The following TBC1D1 variants were observed in gnomAD, a reference collection of about 807,000 sequenced individuals.
TBC1D1 encodes TBC1 domain family member 1.
In TBC1D1, 89 loss-of-function variants were observed where a neutral mutation model predicts 125.6. That is an observed-to-expected ratio of 0.71 (90% CI 0.60 to 0.85). The LOEUF (loss-of-function observed/expected upper bound fraction) is 0.85. Among genes scored for constraint, TBC1D1 ranks in the 40% least tolerant of loss-of-function variants. TBC1D1 has a pLI of 0.00. For missense variants in TBC1D1, 1,377 were observed against 1,469.2 expected (o/e 0.94, Z 1.03); for synonymous variants, 565 against 564.1 (o/e 1.00, Z -0.02).
At chr4:38,090,834 AT>A (rs2152539628) in intron 13 of TBC1D1, among the ~76,000 whole-genome samples, 1 of 152,366 alleles carries the variant, frequency 6.6e-6, no homozygotes, top group Admixed American at 6.5e-5. Flanking sequence ...CAAAGGGAAG[AT>A]GTAGCAGATG....
Position 37,954,452 on chromosome 4 carries a change from T to C in TBC1D1, c.417+51940T>C, listed in dbSNP as rs73810061. On this transcript the variant is annotated intron_variant, in intron 2 of 19. Transcript: ENST00000261439. ...CATGAGCATTCCATGGGGCTACAGCTGAGATCAAAGGTCTACGTCTATTGT... is the reference window on the plus strand; with the variant it reads ...CATGAGCATTCCATGGGGCTACAGCCGAGATCAAAGGTCTACGTCTATTGT... Among the ~76,000 whole-genome samples, 544 of 152,158 alleles carry C rather than the reference T, an allele frequency of 3.6e-3. 2 individuals carry two copies. The highest frequency in any genetic ancestry group is 0.012 in the African/African-American group (509 of 41,506).
At chr4:38,091,366 T>A (rs1313280109) in intron 13 of TBC1D1, among the ~76,000 whole-genome samples, 1 of 152,154 alleles carries the variant, frequency 6.6e-6, no homozygotes, top group Non-Finnish European at 1.5e-5. Context: ...AGCAGGTGAG[T>A]GCTGTTTTCT....
chr4:37,964,905 A>G (rs73236857), intron 2 of TBC1D1, among the ~76,000 whole-genome samples: 13,939 of 152,316 alleles, frequency 0.092, 777 homozygotes, highest in Middle Eastern at 0.19. Flanking sequence ...TATTGGCAGG[A>G]AGCTGCCAGA....
intron 2 of TBC1D1, among the ~76,000 whole-genome samples, chr4:37,918,615 T>C (rs1720228284): frequency 6.6e-6 from 1 of 152,092 alleles, no homozygotes; most frequent in South Asian, 2.1e-4. Context: ...GCCTGGCTAA[T>C]TTTTCTATTT....
intron 1 of TBC1D1, among the ~76,000 whole-genome samples, chr4:37,900,407 CTT>C (rs10612576): frequency 0.093 from 13,125 of 140,646 alleles, 1,302 homozygotes; most frequent in African/African-American, 0.25. Flanking sequence ...AAGGAAATAT[CTT>C]TTTTTTTTTT....
chr4:37,899,025 T>C (rs576601043), intron 1 of TBC1D1, among the ~76,000 whole-genome samples: 1 of 152,248 alleles, frequency 6.6e-6, no homozygotes, highest in South Asian at 2.1e-4. Context: ...TCAGATTGTA[T>C]GGGGGAATTA....
intron 12 of TBC1D1, among the ~76,000 whole-genome samples, chr4:38,066,489 G>A (rs1305927302): frequency 3.9e-5 from 6 of 151,974 alleles, no homozygotes; most frequent in South Asian, 2.1e-4. Flanking sequence ...GCATCACCAC[G>A]CCCTGCTAAA....
At chr4:37,918,575 G>T (rs1315221382) in intron 2 of TBC1D1, among the ~76,000 whole-genome samples, 1 of 152,010 alleles carries the variant, frequency 6.6e-6, no homozygotes. Flanking sequence ...AGCCTCCTGA[G>T]TAGCTGGGAT....
At position 38,133,155 on chromosome 4, in the gene TBC1D1, T is replaced by A. The variant is rs1484591200; in HGVS notation, c.3204T>A (p.Leu1068=). Residue 1068 remains leucine, a synonymous_variant, in exon 19 of 20, where the codon CTT becomes CTA. Coordinates refer to ENST00000261439, the MANE Select transcript of TBC1D1 (RefSeq NM_015173.4). ...AGTACCACGTCCTTCAAGAAGAACT[T>A]ATCGATTCCTCTCCTCTCAGTGACA... The A allele has an allele frequency of 1.2e-6, 2 of 1,614,080 alleles. No homozygotes were observed. The highest frequency in any genetic ancestry group is 4.5e-5 in the East Asian group (2 of 44,900).
At chr4:38,024,580 G>A (rs1241283828) in intron 6 of TBC1D1, among the ~76,000 whole-genome samples, 1 of 152,202 alleles carries the variant, frequency 6.6e-6, no homozygotes, top group African/African-American at 2.4e-5. Context: ...CTTAAATAGT[G>A]CAATTAGAAG....
rs778937613 is a variant in TBC1D1, at chr4:38,138,962, C to A, written c.*1627C>A. ...AGAGGATAGCGGTTTCCATCATAAACCAAGATGATGAGTTCAGCCTTTATC... is the reference window on the plus strand; with the variant it reads ...AGAGGATAGCGGTTTCCATCATAAAACAAGATGATGAGTTCAGCCTTTATC... On this transcript the variant is annotated 3_prime_UTR_variant, in exon 20 of 20. Coordinates refer to ENST00000261439, the MANE Select transcript of TBC1D1 (RefSeq NM_015173.4). 6.6e-6 allele frequency: 1 copy of A among 152,618 alleles called. No individual in the cohort carries two copies. The highest frequency in any genetic ancestry group is 2.4e-5 in the African/African-American group (1 of 41,430). 9.5% of individuals were successfully genotyped at this position (152,618 alleles called of 1,614,324 possible).
chr4:38,063,516 G>A (rs1170863849), intron 12 of TBC1D1, among the ~76,000 whole-genome samples: 1 of 152,184 alleles, frequency 6.6e-6, no homozygotes. Context: ...GCTTTATTGA[G>A]ATATAATTCA....
intron 2 of TBC1D1, among the ~76,000 whole-genome samples, chr4:37,985,200 G>C (rs901656184): frequency 6.6e-6 from 1 of 152,152 alleles, no homozygotes; most frequent in African/African-American, 2.4e-5. Context: ...TGATCCGCCT[G>C]CCTCAGCCTC....
intron 2 of TBC1D1, among the ~76,000 whole-genome samples, chr4:37,947,401 C>T (rs1024890186): frequency 1.1e-4 from 16 of 152,192 alleles, no homozygotes; most frequent in African/African-American, 3.4e-4. Flanking sequence ...AAGTGATCCA[C>T]CTGCTTCGGT....
At chr4:37,947,564 A>G (rs1394405158) in intron 2 of TBC1D1, among the ~76,000 whole-genome samples, 1 of 152,106 alleles carries the variant, frequency 6.6e-6, no homozygotes, top group Non-Finnish European at 1.5e-5. Flanking sequence ...GGGCTCAAGC[A>G]ATCCTCCTGT....
intron 2 of TBC1D1, among the ~76,000 whole-genome samples, chr4:37,936,583 CAAAA>C (rs1476336334): frequency 2.6e-5 from 4 of 152,096 alleles, no homozygotes; most frequent in African/African-American, 9.7e-5. Context: ...GACATGACCT[CAAAA>C]GCAAGGCCAG....
At chr4:37,998,535 C>T (rs907420685) in intron 2 of TBC1D1, among the ~76,000 whole-genome samples, 1 of 152,196 alleles carries the variant, frequency 6.6e-6, no homozygotes, top group Non-Finnish European at 1.5e-5. Context: ...AACCGGGCCT[C>T]CTTGCTCTTA....
In TBC1D1 at chr4:37,977,103, G is replaced by A. The variant is rs1199088115; in HGVS notation, c.418-37406G>A. ...TGTGCGAAACGGACCCCAGAGGCCT[G>A]GAAAGGCGCGTCCCCAGCCTCCAGG... On this transcript the variant is annotated intron_variant, in intron 2 of 19. Transcript: ENST00000261439. This position sits in a 1 kb window ranked among gnomAD's most constrained non-coding sequence, Gnocchi z 4.3. Among the ~76,000 whole-genome samples the A allele has an allele frequency of 6.6e-6, 1 of 152,132 alleles. No individual in the cohort carries two copies. The highest frequency in any genetic ancestry group is 2.4e-5 in the African/African-American group (1 of 41,450).
rs1302408081 is a variant in TBC1D1 at position 37,902,396 on chromosome 4, G to A, written c.301G>A (p.Val101Ile). 9 of 1,614,086 alleles carry A rather than the reference G, an allele frequency of 5.6e-6. No individual in the cohort carries two copies. The highest frequency in any genetic ancestry group is 1.1e-5 in the South Asian group (1 of 91,090). The stretch of plus-strand genomic sequence containing the variant: ...CATCTTTGAGTGCAAGCCTCAGCGT[G>A]TTCACAAACTGATTCACAACAGTCA... The change falls in exon 2 of 20, where the codon GTT becomes ATT. Residue 101 changes from valine to isoleucine, a missense_variant. Around this residue, in one of 3 missense-constraint regions of TBC1D1, gnomAD observed 822 missense variants for 824.6 expected, o/e 1.00. Coordinates refer to ENST00000261439, the MANE Select transcript of TBC1D1 (RefSeq NM_015173.4).
Sources: gnomAD v4.1 joint callset for allele counts (sites outside exome capture counted in the v4.1 genomes callset) on GRCh38, gnomAD v4.1.1 for gene constraint, gnomAD v4.1.1 regional missense constraint, Gnocchi (gnomAD v3.1) non-coding constraint, MANE v1.5 for transcripts, NCBI Gene and HGNC (gene_info 2026-07-23, HGNC 2026-07-21) for gene names.